GRID2: variants seen among roughly 807,000 people sequenced by gnomAD.
The protein encoded by GRID2 is glutamate ionotropic receptor delta type subunit 2, also known as glutamate receptor ionotropic, delta-2.
A neutral mutation model predicts 114.8 loss-of-function variants in GRID2; 33 were observed. The observed-to-expected ratio is 0.29, with a 90% CI of 0.22 to 0.38. The LOEUF is 0.38. GRID2 is among the 10% of genes least tolerant of loss of function. The pLI is 1.00. For missense variants in GRID2, 1,184 were observed against 1,257.7 expected (o/e 0.94, Z 0.89); for synonymous variants, 505 against 449.9 (o/e 1.12, Z -1.55).
downstream of GRID2, among the ~76,000 whole-genome samples, chr4:93,778,286 AAT>A (rs1316471994): frequency 6.6e-6 from 1 of 152,174 alleles, no homozygotes; most frequent in East Asian, 1.9e-4. Flanking sequence ...ACCCTCTATT[AAT>A]ATCTGTTTAC....
chr4:92,711,854 G>T (rs536204881), intron 2 of GRID2, among the ~76,000 whole-genome samples: 1 of 152,200 alleles, frequency 6.6e-6, no homozygotes, highest in Non-Finnish European at 1.5e-5. Flanking sequence ...AGTGAGCTAT[G>T]ATCCTGCCAC....
At chr4:93,674,447 A>G (rs1724682105) in intron 14 of GRID2, among the ~76,000 whole-genome samples, 1 of 152,196 alleles carries the variant, frequency 6.6e-6, no homozygotes, top group South Asian at 2.1e-4. Context: ...AATGGGCACT[A>G]AATTTGTGTT....
At chr4:93,597,487 A>G (rs971688127) in intron 13 of GRID2, among the ~76,000 whole-genome samples, 3 of 152,176 alleles carry the variant, frequency 2.0e-5, no homozygotes, top group Admixed American at 1.3e-4. Context: ...TAGTTTATGT[A>G]TGAGATTGTT....
chr4:92,393,576 C>T (rs866587289), intron 1 of GRID2, among the ~76,000 whole-genome samples: 2 of 151,938 alleles, frequency 1.3e-5, no homozygotes, highest in Admixed American at 1.3e-4. Flanking sequence ...GAAATATTTG[C>T]CCTATATAAT....
chr4:92,775,670 A>G (rs937136915), intron 2 of GRID2, among the ~76,000 whole-genome samples: 1 of 152,180 alleles, frequency 6.6e-6, no homozygotes, highest in Non-Finnish European at 1.5e-5. Flanking sequence ...GCAGAAAAAT[A>G]CCTAGACTAC....
intron 2 of GRID2, among the ~76,000 whole-genome samples, chr4:92,692,531 G>A (rs1734225926): frequency 6.6e-6 from 1 of 152,014 alleles, no homozygotes; most frequent in African/African-American, 2.4e-5. Flanking sequence ...TAATAATATA[G>A]CTTTTTCCAT....
intron 8 of GRID2, among the ~76,000 whole-genome samples, chr4:93,286,889 G>A (rs1753228392): frequency 1.3e-5 from 2 of 151,796 alleles, no homozygotes; most frequent in South Asian, 4.2e-4. Flanking sequence ...TAATAATTAG[G>A]GGACTAATAT....
At position 92,631,202 on chromosome 4, in the gene GRID2, A is replaced by G. The variant is rs180810451; in HGVS notation, c.244+40916A>G. ...TAACAATATGTATCTTCCAAAAACT[A>G]TAGAACTCAGATCAGTGTCCATACA... On this transcript the variant is annotated intron_variant, in intron 2 of 15. Transcript: ENST00000282020. Among the ~76,000 whole-genome samples, 3 of 152,224 alleles carry G rather than the reference A, an allele frequency of 2.0e-5. No individual in the cohort carries two copies. The East Asian group carries it at 5.8e-4, about 29-fold the overall frequency.
At chr4:92,397,342 ATGTGTGTGTGTG>A (rs58085283) in intron 1 of GRID2, among the ~76,000 whole-genome samples, 6,072 of 142,756 alleles carry the variant, frequency 0.043, 273 homozygotes, top group African/African-American at 0.11. Context: ...GTGTGTTTGT[ATGTGTGTGTGTG>A]TGTGTGTGTG....
chr4:93,154,769 A>C (rs1283099871), intron 4 of GRID2, among the ~76,000 whole-genome samples: 2 of 151,108 alleles, frequency 1.3e-5, no homozygotes, highest in Non-Finnish European at 3.0e-5. Flanking sequence ...AACAAACAAA[A>C]AAAACACCAC....
intron 1 of GRID2, among the ~76,000 whole-genome samples, chr4:92,582,302 G>C (rs1257823661): frequency 6.6e-6 from 1 of 151,908 alleles, no homozygotes; most frequent in African/African-American, 2.4e-5. Context: ...AAAGGCTAGA[G>C]ATTTGTTCTG....
chr4:92,426,659 A>G (rs111458224), intron 1 of GRID2, among the ~76,000 whole-genome samples: 1 of 152,174 alleles, frequency 6.6e-6, no homozygotes, highest in African/African-American at 2.4e-5. Context: ...CACAAAGAAC[A>G]AGAGCAAATA....
intron 14 of GRID2, among the ~76,000 whole-genome samples, chr4:93,651,454 G>A (rs769817497): frequency 2.0e-5 from 3 of 152,098 alleles, no homozygotes; most frequent in Admixed American, 6.6e-5. Flanking sequence ...CTGGTAAAGC[G>A]TATCTTTGAA....
At chr4:93,486,066 G>A (rs2149452995) in intron 11 of GRID2, among the ~76,000 whole-genome samples, 1 of 151,506 alleles carries the variant, frequency 6.6e-6, no homozygotes, top group African/African-American at 2.4e-5. Flanking sequence ...TTCATGTAGA[G>A]GTCTCTCATA....
intron 13 of GRID2, among the ~76,000 whole-genome samples, chr4:93,594,787 C>G (rs1219208292): frequency 1.3e-5 from 2 of 151,780 alleles, no homozygotes; most frequent in Non-Finnish European, 2.9e-5. Context: ...CGGAAAAGCG[C>G]AGTATTCGGG....
chr4:93,803,535 A>T (rs1042310894), intron 1 of GRID2, among the ~76,000 whole-genome samples: 2 of 152,088 alleles, frequency 1.3e-5, no homozygotes, highest in Non-Finnish European at 2.9e-5. Context: ...CAACCTGGCC[A>T]ACATAGTGAA....
intron 2 of GRID2, among the ~76,000 whole-genome samples, chr4:92,747,760 T>C (rs1737224999): frequency 1.3e-5 from 2 of 152,180 alleles, no homozygotes; most frequent in Admixed American, 6.5e-5. Context: ...CTAATAAACA[T>C]TCAATAATAT....
intron 2 of GRID2, among the ~76,000 whole-genome samples, chr4:92,880,630 T>A (rs1313365323): frequency 1.3e-5 from 2 of 152,204 alleles, no homozygotes; most frequent in Non-Finnish European, 2.9e-5. Context: ...CCAATTAGTA[T>A]CTATATATTC....
At chr4:92,745,712 T>A (rs1737119942) in intron 2 of GRID2, among the ~76,000 whole-genome samples, 1 of 152,122 alleles carries the variant, frequency 6.6e-6, no homozygotes, top group South Asian at 2.1e-4. Context: ...AGAGCAATAA[T>A]TTGGTGTGTG....
Sources: allele counts gnomAD v4.1 joint callset (sites outside exome capture counted in the v4.1 genomes callset), GRCh38; gene constraint gnomAD v4.1.1; transcripts MANE v1.5; gene names NCBI Gene and HGNC (gene_info 2026-07-23, HGNC 2026-07-21).